XKR9: variants seen among roughly 807,000 people sequenced by gnomAD.
XKR9 encodes the protein XK-related protein 9.
XKR9 carries 32 observed loss-of-function variants against 32.0 expected under a neutral mutation model. The ratio of observed to expected loss-of-function variants is 1.00; its 90% CI spans 0.76 to 1.34. XKR9 has a LOEUF of 1.34. Among genes scored for constraint, XKR9 ranks in the 40% most tolerant of loss-of-function variants. XKR9 has a pLI of 0.00. For synonymous variants in XKR9, 168 were observed against 143.4 expected (o/e 1.17, Z -1.22); for missense variants, 546 against 429.7 (o/e 1.27, Z -2.39).
intron 4 of XKR9, among the ~76,000 whole-genome samples, chr8:70,708,606 C>A (rs904566595): frequency 1.3e-5 from 2 of 151,892 alleles, no homozygotes; most frequent in African/African-American, 4.8e-5. Flanking sequence ...TCTGTCAGCA[C>A]ATTTTTAAGG....
the XKR9 span, among the ~76,000 whole-genome samples, chr8:71,052,442 C>T: frequency 6.6e-6 from 1 of 152,162 alleles, no homozygotes; most frequent in Admixed American, 6.5e-5. Flanking sequence ...TTCGTAGACA[C>T]TATCTCATTA....
At chr8:70,842,434 G>C in the XKR9 span, among the ~76,000 whole-genome samples, 1 of 152,112 alleles carries the variant, frequency 6.6e-6, no homozygotes, top group Admixed American at 6.6e-5. Flanking sequence ...TGGAAACCAA[G>C]ATCTGGGTGC....
chr8:70,854,907 C>T, the XKR9 span, among the ~76,000 whole-genome samples: 5 of 152,140 alleles, frequency 3.3e-5, no homozygotes, highest in African/African-American at 4.8e-5. Flanking sequence ...CAGTACCATG[C>T]TGTTTTGGTT....
chr8:70,835,775 A>G, the XKR9 span, among the ~76,000 whole-genome samples: 1 of 152,014 alleles, frequency 6.6e-6, no homozygotes, highest in Non-Finnish European at 1.5e-5. Context: ...TCCAACCACT[A>G]TACATTTATA....
intron 4 of XKR9, among the ~76,000 whole-genome samples, chr8:70,723,471 A>T (rs1806351580): frequency 6.6e-6 from 1 of 152,034 alleles, no homozygotes; most frequent in African/African-American, 2.4e-5. Context: ...GATGCTGATG[A>T]CCTTTGGATG....
the XKR9 span, among the ~76,000 whole-genome samples, chr8:70,853,935 C>T: frequency 2.0e-5 from 3 of 152,116 alleles, no homozygotes; most frequent in Non-Finnish European, 2.9e-5. Context: ...CATTGTTGGA[C>T]GTTTGGGTTG....
chr8:70,694,400 C>A (rs1378448774), intron 3 of XKR9, among the ~76,000 whole-genome samples: 1 of 152,118 alleles, frequency 6.6e-6, no homozygotes, highest in Non-Finnish European at 1.5e-5. Context: ...TCTAGGAGTG[C>A]CATCCCAGGG....
chr8:70,734,085 C>A lies in XKR9; in HGVS notation c.783C>A (p.Phe261Leu). 1 of 1,612,632 alleles carries A rather than the reference C, an allele frequency of 6.2e-7. No homozygotes were observed. The highest frequency in any genetic ancestry group is 8.5e-7 in the Non-Finnish European group (1 of 1,179,048). ...TTTGTACTTGTATAAGTATGGAATTCTTATATAGGATTGTTGTTGGATTCA... is the reference window on the plus strand; with the variant it reads ...TTTGTACTTGTATAAGTATGGAATTATTATATAGGATTGTTGTTGGATTCA... ...TQFCTCISMEFLYRIVVGFIL... is the reference protein window; with the variant it reads ...TQFCTCISMELLYRIVVGFIL... The change falls in exon 5 of 5, where the codon TTC becomes TTA. Residue 261 changes from phenylalanine (F) to leucine (L), a missense_variant. By Grantham distance (22) the Phe-to-Leu change is conservative. Coordinates refer to ENST00000408926, the MANE Select transcript of XKR9 (RefSeq NM_001011720.2).
At chr8:71,024,503 G>A in the XKR9 span, among the ~76,000 whole-genome samples, 164 of 152,254 alleles carry the variant, frequency 1.1e-3, no homozygotes, top group African/African-American at 3.9e-3. Context: ...GTCTAATGTG[G>A]GCAGGGCTCT....
the XKR9 span, among the ~76,000 whole-genome samples, chr8:70,806,935 C>T: frequency 1.8e-4 from 28 of 152,188 alleles, no homozygotes; most frequent in African/African-American, 6.5e-4. Context: ...AAATAATCCA[C>T]AAGCAGATCA....
chr8:70,689,310 A>G (rs959843777), intron 3 of XKR9, among the ~76,000 whole-genome samples: 2 of 151,856 alleles, frequency 1.3e-5, no homozygotes, highest in Non-Finnish European at 2.9e-5. Flanking sequence ...ATTATTTCTC[A>G]TTTACTAGAT....
the XKR9 span, among the ~76,000 whole-genome samples, chr8:70,870,506 G>T: frequency 2.4e-4 from 36 of 152,178 alleles, no homozygotes; most frequent in African/African-American, 8.0e-4. Context: ...TGTTGTTGTG[G>T]TTTGGAATGT....
At chr8:70,841,098 T>A in the XKR9 span, among the ~76,000 whole-genome samples, 1 of 152,172 alleles carries the variant, frequency 6.6e-6, no homozygotes, top group Non-Finnish European at 1.5e-5. Context: ...AGACACAAGA[T>A]AATGACCTCA....
At chr8:70,974,847 C>T in the XKR9 span, among the ~76,000 whole-genome samples, 2 of 152,216 alleles carry the variant, frequency 1.3e-5, no homozygotes, top group Non-Finnish European at 2.9e-5. Context: ...CTAGCTTACA[C>T]TCCCACCAAC....
chr8:70,669,815 C>T (rs999177077), intron 1 of XKR9, among the ~76,000 whole-genome samples: 1 of 151,596 alleles, frequency 6.6e-6, no homozygotes. Context: ...TATAGGCGTC[C>T]GCCACCACGC....
At chr8:70,699,669 G>A (rs1037033577) in intron 3 of XKR9, among the ~76,000 whole-genome samples, 2 of 152,112 alleles carry the variant, frequency 1.3e-5, no homozygotes, top group African/African-American at 2.4e-5. Context: ...TCTTGGAGTT[G>A]CTCTTCTCGA....
At chr8:70,830,566 G>A in the XKR9 span, among the ~76,000 whole-genome samples, 2 of 152,208 alleles carry the variant, frequency 1.3e-5, no homozygotes, top group East Asian at 1.9e-4. Context: ...CAGCCTGGGC[G>A]ACAGAACGAG....
At chr8:70,979,178 G>A in the XKR9 span, among the ~76,000 whole-genome samples, 3 of 152,196 alleles carry the variant, frequency 2.0e-5, no homozygotes, top group Admixed American at 6.5e-5. Context: ...TGATGGGTTC[G>A]AACATCCTCC....
the XKR9 span, among the ~76,000 whole-genome samples, chr8:70,810,143 GT>G: frequency 6.6e-6 from 1 of 152,028 alleles, no homozygotes; most frequent in Non-Finnish European, 1.5e-5. Flanking sequence ...CTTCAACATT[GT>G]TAAAGAAAAT....
Sources: gnomAD v4.1 joint callset for allele counts (sites outside exome capture counted in the v4.1 genomes callset) on GRCh38, gnomAD v4.1.1 for gene constraint, MANE v1.5 for transcripts, NCBI Gene and HGNC (gene_info 2026-07-23, HGNC 2026-07-21) for gene names.